The following COBLL1 variants were observed in gnomAD, a reference collection of about 807,000 sequenced individuals.
COBLL1 encodes the protein cordon-bleu protein-like 1.
In COBLL1, 50 loss-of-function variants were observed where a neutral mutation model predicts 94.8. That is an observed-to-expected ratio of 0.53 (90% confidence interval 0.42 to 0.67). COBLL1 has a LOEUF of 0.67. COBLL1 is among the 30% of genes least tolerant of loss of function. The pLI is 0.00. For synonymous variants in COBLL1, 448 were observed against 473.8 expected, an observed-to-expected ratio of 0.95 and a Z score of 0.71; for missense variants, 1,362 against 1,348.7, an observed-to-expected ratio of 1.01 and a Z score of -0.15.
In COBLL1 at chr2:164,692,340, G is replaced by A; in HGVS notation, c.3181C>T (p.Pro1061Ser). The A allele has an allele frequency of 6.2e-7, 1 of 1,613,242 alleles. No individual in the cohort carries two copies. The highest frequency in any genetic ancestry group is 8.5e-7 in the Non-Finnish European group (1 of 1,179,468). ...NSQIPTPTDG[P>S]SFTVMRQSSL... ...CTTTGTCTCATAACAGTGAATGATGGGCCATCAGTTGGAGTTGGTATTTGG... is the reference window on the plus strand; with the variant it reads ...CTTTGTCTCATAACAGTGAATGATGAGCCATCAGTTGGAGTTGGTATTTGG... The change falls in exon 13 of 14, where the codon CCA becomes TCA. Residue 1061 changes from proline to serine, a missense_variant. Physicochemically the swap from Pro to Ser is moderately conservative, Grantham distance 74. Transcript: ENST00000652658.
intron 3 of COBLL1, among the ~76,000 whole-genome samples, chr2:164,736,637 C>T (rs1686326415): frequency 6.6e-6 from 1 of 152,056 alleles, no homozygotes; most frequent in African/African-American, 2.4e-5. Context: ...AACACACCTA[C>T]TAAACACACA....
chr2:164,742,527 C>T (rs2105557848), intron 3 of COBLL1, among the ~76,000 whole-genome samples: 1 of 152,274 alleles, frequency 6.6e-6, no homozygotes, highest in East Asian at 1.9e-4. Context: ...AGGCCATCCA[C>T]AGCTGCAGGT....
At chr2:164,827,858 T>C (rs1181175178) in intron 2 of COBLL1, among the ~76,000 whole-genome samples, 1 of 152,222 alleles carries the variant, frequency 6.6e-6, no homozygotes, top group South Asian at 2.1e-4. Context: ...TTGCCCGTGA[T>C]GGACAAAGTT....
chr2:164,790,355 ACC>A (rs1046765119), intron 2 of COBLL1, among the ~76,000 whole-genome samples: 6 of 152,100 alleles, frequency 3.9e-5, no homozygotes, highest in African/African-American at 1.4e-4. Flanking sequence ...GCCACCCATG[ACC>A]CTAAACGGGA....
intron 11 of COBLL1, chr2:164,696,953 CAA>C (rs1683981569): frequency 1.3e-5 from 2 of 152,044 alleles, no homozygotes; most frequent in African/African-American, 4.8e-5. Flanking sequence ...GAAATTATGT[CAA>C]GTTATTTCTC....
chr2:164,732,303 C>T (rs548185523), intron 3 of COBLL1, among the ~76,000 whole-genome samples: 2 of 152,322 alleles, frequency 1.3e-5, no homozygotes, highest in Admixed American at 6.5e-5. Flanking sequence ...GAGCCACAGG[C>T]TATGCCCATA....
At chr2:164,671,714 C>T (rs1396445077) in intron 1 of COBLL1, among the ~76,000 whole-genome samples, 2 of 151,606 alleles carry the variant, frequency 1.3e-5, no homozygotes, top group Non-Finnish European at 2.9e-5. Context: ...TACTGAAGCA[C>T]GTTATGAAGA....
At chr2:164,785,402 A>G (rs1688907949) in intron 2 of COBLL1, among the ~76,000 whole-genome samples, 1 of 152,180 alleles carries the variant, frequency 6.6e-6, no homozygotes, top group Non-Finnish European at 1.5e-5. Context: ...GGTCCCAGAT[A>G]GTCACACAAA....
In COBLL1 at chr2:164,669,458, A is replaced by G. The variant is rs73968210; in HGVS notation, n.127-3557T>C. Among the ~76,000 whole-genome samples the G allele has an allele frequency of 3.5e-3, 527 of 152,324 alleles. 3 individuals carry two copies. Among genetic ancestry groups the G allele is most frequent in the African/African-American group, 0.012 (506 of 41,578 alleles). ...AATGCCATATGAGAGACAACTGTGT[A>G]TACTCAGCCTTGTTTTATGCCAAAG... On this transcript the variant is annotated intron_variant and non_coding_transcript_variant, in intron 1 of 2. Coordinates refer to the COBLL1 transcript ENST00000495084.
intron 5 of COBLL1, chr2:164,724,171 T>C (rs1685603148): frequency 6.6e-6 from 1 of 152,186 alleles, no homozygotes; most frequent in African/African-American, 2.4e-5. Context: ...TTTTCAGTAA[T>C]ATTGACTGCA....
rs113655453 is a variant in COBLL1 at position 164,694,936 on chromosome 2, A to G, written c.2456T>C (p.Met819Thr). 1 of 1,613,974 alleles carries G rather than the reference A, an allele frequency of 6.2e-7. No individual in the cohort carries two copies. The highest frequency in any genetic ancestry group is 1.1e-5 in the South Asian group (1 of 91,070). ...PSSVSSPDDA[M>T]VSPLKPAPKM... ...GGGAGCAGGTTTCAGAGGACTAACC[A>G]TGGCATCATCAGGTGAGCTCACAGA... The change falls in exon 12 of 14, where the codon ATG becomes ACG. Residue 819 changes from methionine (M) to threonine (T), a missense_variant. Met to Thr is a moderately conservative substitution (Grantham distance 81). Transcript: ENST00000652658.
intron 2 of COBLL1, among the ~76,000 whole-genome samples, chr2:164,784,324 T>C (rs1257157439): frequency 1.3e-5 from 2 of 152,208 alleles, no homozygotes; most frequent in Non-Finnish European, 2.9e-5. Flanking sequence ...CTTTTGTATA[T>C]AATCCTAGGT....
chr2:164,709,205 T>A (rs765569968), intron 7 of COBLL1, among the ~76,000 whole-genome samples: 1 of 152,206 alleles, frequency 6.6e-6, no homozygotes, highest in Non-Finnish European at 1.5e-5. Flanking sequence ...AAAACAGACA[T>A]ATTTCAGTTT....
chr2:164,721,806 GATT>G (rs1685457879), intron 7 of COBLL1: 1 of 213,646 alleles, frequency 4.7e-6, no homozygotes, highest in Non-Finnish European at 9.2e-6. Flanking sequence ...TAGGTTTTCA[GATT>G]TTTTTTTGCT....
chr2:164,733,527 A>C (rs1313087501), intron 3 of COBLL1, among the ~76,000 whole-genome samples: 1 of 152,332 alleles, frequency 6.6e-6, no homozygotes, highest in South Asian at 2.1e-4. Context: ...CAATAATTTC[A>C]GAAGCCAAAT....
Position 164,683,005 on chromosome 2 carries a change from T to TAA in COBLL1, c.*2940_*2941insTT, listed in dbSNP as rs1683109202. ...CTCCTTTCATGTTAAGAAACACACATACACACACACACACACACACACACA... is the reference window on the plus strand; with the variant it reads ...CTCCTTTCATGTTAAGAAACACACATAAACACACACACACACACACACACACA... On this transcript the variant is annotated 3_prime_UTR_variant, in exon 14 of 14. Transcript: ENST00000652658. 7.2e-6 allele frequency: 1 copy of TAA among 138,820 alleles called. No homozygotes were observed. The highest frequency in any genetic ancestry group is 2.6e-5 in the African/African-American group (1 of 38,044). 8.6% of individuals were successfully genotyped at this position (138,820 alleles called of 1,614,324 possible).
intron 10 of COBLL1, among the ~76,000 whole-genome samples, chr2:164,699,986 T>A (rs913740376): frequency 9.9e-5 from 15 of 152,078 alleles, no homozygotes; most frequent in East Asian, 7.7e-4. Flanking sequence ...TTTATTTTGC[T>A]TGGTTGATTT....
chr2:164,742,120 T>C (rs1434816660), intron 3 of COBLL1, among the ~76,000 whole-genome samples: 1 of 151,926 alleles, frequency 6.6e-6, no homozygotes, highest in Non-Finnish European at 1.5e-5. Context: ...AAGTCTAAAA[T>C]AACTATGACG....
chr2:164,739,463 C>T (rs1686484902), intron 3 of COBLL1, among the ~76,000 whole-genome samples: 1 of 152,168 alleles, frequency 6.6e-6, no homozygotes, highest in South Asian at 2.1e-4. Context: ...AAACTTATTT[C>T]TGAAAAGTGA....
Sources: allele counts gnomAD v4.1 joint callset (sites outside exome capture counted in the v4.1 genomes callset), GRCh38; gene constraint gnomAD v4.1.1; transcripts MANE v1.5; gene names NCBI Gene and HGNC (gene_info 2026-07-23, HGNC 2026-07-21).